Variants in AKAP9 observed in about 807,000 individuals in gnomAD.
AKAP9 encodes the protein A-kinase anchor protein 9.
AKAP9 carries 311 observed loss-of-function variants against 488.5 expected under a neutral mutation model. The ratio of observed to expected loss-of-function variants is 0.64; its 90% CI spans 0.58 to 0.70. The LOEUF (loss-of-function observed/expected upper bound fraction) is 0.70. Ranked by LOEUF, AKAP9 falls within the 30% of genes least tolerant of loss-of-function variation. AKAP9 has a pLI of 0.00. For synonymous variants in AKAP9, 1,462 were observed against 1,483.5 expected (o/e 0.99, Z 0.33); for missense variants, 4,215 against 4,374.5 (o/e 0.96, Z 1.03).
chr7:92,063,639 TAAC>T, intron 24 of AKAP9: 1 of 267,810 alleles, frequency 3.7e-6, no homozygotes, highest in Non-Finnish European at 5.7e-6. Flanking sequence ...TTTTTCTCTT[TAAC>T]AACAACAAAT....
Position 92,012,605 on chromosome 7 carries a change from C to T in AKAP9, c.3495C>T (p.His1165=). ...AGATCAAGGAACTTCAGAAAATACA[C>T]CAGTTAGAACTACAGACTATGAAAA... ...EEKIKELQKI[H]QLELQTMKTQ... Residue 1165 remains histidine (H), a synonymous_variant, in exon 9 of 50, where the codon CAC becomes CAT. Transcript: ENST00000356239. 1 of 1,613,088 alleles carries T rather than the reference C, an allele frequency of 6.2e-7. No individual in the cohort carries two copies. Among genetic ancestry groups the T allele is most frequent in the Non-Finnish European group, 8.5e-7 (1 of 1,179,372 alleles).
chr7:91,974,452 T>C (rs562929903), intron 2 of AKAP9, among the ~76,000 whole-genome samples: 1 of 152,354 alleles, frequency 6.6e-6, no homozygotes, highest in South Asian at 2.1e-4. Flanking sequence ...CTCAATTATA[T>C]TCTGTAGATC....
chr7:92,062,909 G>A (rs1810134195), intron 24 of AKAP9, among the ~76,000 whole-genome samples: 1 of 152,092 alleles, frequency 6.6e-6, no homozygotes, highest in South Asian at 2.1e-4. Flanking sequence ...TGCAAGCAGA[G>A]TAGATTTAAA....
chr7:92,035,990 T>C (rs150408574), intron 16 of AKAP9, among the ~76,000 whole-genome samples: 7 of 152,248 alleles, frequency 4.6e-5, no homozygotes, highest in African/African-American at 1.4e-4. Context: ...TCTTATTTCT[T>C]TTTGAAGAAA....
intron 3 of AKAP9, among the ~76,000 whole-genome samples, chr7:91,989,273 G>A (rs1797483408): frequency 6.6e-6 from 1 of 152,046 alleles, no homozygotes; most frequent in African/African-American, 2.4e-5. Context: ...CATTGGGTTG[G>A]AAAATTGGTT....
chr7:91,972,410 A>C (rs1795212516), intron 1 of AKAP9, among the ~76,000 whole-genome samples: 1 of 152,126 alleles, frequency 6.6e-6, no homozygotes. Flanking sequence ...CTGGTTGTCC[A>C]CCTTGATCTC....
At chr7:92,029,452 T>A (rs1048181606) in intron 14 of AKAP9, among the ~76,000 whole-genome samples, 32 of 152,188 alleles carry the variant, frequency 2.1e-4, no homozygotes, top group Non-Finnish European at 3.7e-4. Context: ...CAAACTTTTT[T>A]AAAGTCATTA....
intron 3 of AKAP9, among the ~76,000 whole-genome samples, chr7:91,983,305 G>A (rs1257892263): frequency 6.6e-6 from 1 of 152,040 alleles, no homozygotes; most frequent in Admixed American, 6.6e-5. Flanking sequence ...TGTGGTGTTT[G>A]GTTTTCTATC....
chr7:91,984,041 A>G (rs1036719203), intron 3 of AKAP9, among the ~76,000 whole-genome samples: 2 of 152,094 alleles, frequency 1.3e-5, no homozygotes, highest in Admixed American at 1.3e-4. Flanking sequence ...GCCCTTTGTC[A>G]GATAAGTAGA....
At chr7:92,100,149 G>A (rs973454318) in intron 44 of AKAP9, 58 of 346,754 alleles carry the variant, frequency 1.7e-4, no homozygotes, top group African/African-American at 1.1e-3. Flanking sequence ...AATTGAAGTC[G>A]TAGTCAAACC....
intron 32 of AKAP9, 43 bp from the exon 33 acceptor site, chr7:92,083,127 G>T (rs1466865919): frequency 3.1e-6 from 5 of 1,600,948 alleles, no homozygotes; most frequent in South Asian, 2.3e-5. Flanking sequence ...AATATGGGAA[G>T]ATTTTAACTG....
chr7:91,967,055 G>C (rs1794513951), intron 1 of AKAP9, among the ~76,000 whole-genome samples: 1 of 151,790 alleles, frequency 6.6e-6, no homozygotes. Flanking sequence ...ATTGATTTCT[G>C]GGTATTTTAT....
chr7:92,090,128 A>C (rs1815289250), intron 38 of AKAP9: 1 of 152,128 alleles, frequency 6.6e-6, no homozygotes, highest in Admixed American at 6.5e-5. Context: ...TTAAGTTTCA[A>C]GTTTTTTTCT....
intron 1 of AKAP9, among the ~76,000 whole-genome samples, chr7:91,963,344 C>G (rs1287973614): frequency 6.6e-6 from 1 of 152,116 alleles, no homozygotes; most frequent in Non-Finnish European, 1.5e-5. Context: ...TTATATCCTA[C>G]TAGGCTAGTG....
intron 22 of AKAP9, among the ~76,000 whole-genome samples, chr7:92,060,417 T>C (rs1422318473): frequency 6.6e-6 from 1 of 152,146 alleles, no homozygotes; most frequent in Non-Finnish European, 1.5e-5. Context: ...TTTTCCCATG[T>C]AATTGTTTCA....
rs377151396 is a variant in AKAP9 at position 92,029,603 on chromosome 7, G to A, written c.4149-292G>A. On this transcript the variant is annotated intron_variant, in intron 14 of 49. Transcript: ENST00000356239. The stretch of plus-strand genomic sequence containing the variant: ...TTGAGATCAACCTATGTAACGTAGT[G>A]AGACCCCATCTTTCCAAAAAAACAG... Among the ~76,000 whole-genome samples the A allele has an allele frequency of 3.3e-5, 5 of 152,222 alleles. No individual in the cohort carries two copies. In the East Asian group the frequency reaches 5.8e-4, roughly 18 times the overall value.
Position 91,986,693 on chromosome 7 carries a change from G to A in AKAP9, c.352-5465G>A, listed in dbSNP as rs565150432. 5.3e-5 allele frequency among the ~76,000 whole-genome samples: 8 copies of A among 152,204 alleles called. No individual in the cohort carries two copies. The South Asian group carries it at 1.7e-3, about 32-fold the overall frequency. On this transcript the variant is annotated intron_variant, in intron 3 of 49. Coordinates refer to ENST00000356239, the MANE Select transcript of AKAP9 (RefSeq NM_005751.5). ...CTAAATTTTTTAAATTAAAAAACTGGTGGAGATTATCAGGTTCCAAAAAAT... is the reference window on the plus strand; with the variant it reads ...CTAAATTTTTTAAATTAAAAAACTGATGGAGATTATCAGGTTCCAAAAAAT...
intron 46 of AKAP9, among the ~76,000 whole-genome samples, chr7:92,104,000 G>A (rs1042921120): frequency 6.6e-6 from 1 of 151,846 alleles, no homozygotes; most frequent in Non-Finnish European, 1.5e-5. Flanking sequence ...GATTGACATG[G>A]AGCCAAGACT....
chr7:92,052,821 T>C lies in AKAP9; in HGVS notation c.5464T>C (p.Ser1822Pro), dbSNP rs1251861903. 1 of 1,613,764 alleles carries C rather than the reference T, an allele frequency of 6.2e-7. No individual in the cohort carries two copies. The highest frequency in any genetic ancestry group is 1.3e-5 in the African/African-American group (1 of 74,898). Residue 1822 changes from serine (S) to proline (P), a missense_variant, in exon 22 of 50, where the codon TCA (serine) becomes CCA (proline). By Grantham distance (74) the Ser-to-Pro change is moderately conservative. This residue lies in a region of AKAP9 where 2,361 missense variants were observed against 2,430.0 expected (regional missense o/e 0.97). Transcript: ENST00000356239. ...SKVTEEGTELSQRLVRSGFAG... is the reference protein window; with the variant it reads ...SKVTEEGTELPQRLVRSGFAG... The stretch of plus-strand genomic sequence containing the variant: ...AGTAACTGAGGAAGGAACAGAGCTG[T>C]CACAACGACTTGTGAGGAGTGGTTT...
Sources: allele counts gnomAD v4.1 joint callset (sites outside exome capture counted in the v4.1 genomes callset), GRCh38; gene constraint gnomAD v4.1.1; regional missense constraint gnomAD v4.1.1; transcripts MANE v1.5; gene names NCBI Gene and HGNC (gene_info 2026-07-23, HGNC 2026-07-21).